NFAM1: variants seen among roughly 807,000 people sequenced by gnomAD.
NFAM1 encodes NFAT activating protein with ITAM motif 1, also known as NFAT activation molecule 1.
Under a neutral mutation model 29.0 loss-of-function variants are expected in NFAM1, and 17 were observed. That is an observed-to-expected ratio of 0.59 (90% CI 0.40 to 0.88). The LOEUF is 0.88. Among genes scored for constraint, NFAM1 ranks in the 40% least tolerant of loss-of-function variants. The pLI is 0.00. For synonymous variants in NFAM1, 175 were observed against 147.2 expected, an observed-to-expected ratio of 1.19 and a Z score of -1.36; for missense variants, 324 against 344.6, an observed-to-expected ratio of 0.94 and a Z score of 0.47.
At position 42,431,781 on chromosome 22, in the gene NFAM1, C is replaced by A. The variant is rs554924964; in HGVS notation, c.121+456G>T. On this transcript the variant is annotated intron_variant, in intron 1 of 5. Transcript: ENST00000329021. ...CCTGTGGCTGGCCCTGGTATCCCCC[C>A]CTCCCCCCTCTCCCCGCTCTCCCTG... is the stretch of plus-strand genomic sequence containing the variant. Among the ~76,000 whole-genome samples the A allele has an allele frequency of 1.8e-3, 269 of 150,874 alleles. 1 individual carries two copies. Among genetic ancestry groups the A allele is most frequent in the African/African-American group, 6.0e-3 (242 of 40,564 alleles).
Position 42,411,633 on chromosome 22 carries a change from G to A in NFAM1, c.225C>T (p.Phe75=), listed in dbSNP as rs1386529330. 5.0e-6 allele frequency: 8 copies of A among 1,613,978 alleles called. No individual in the cohort carries two copies. The highest frequency in any genetic ancestry group is 5.9e-6 in the Non-Finnish European group (7 of 1,179,940). ...CRITYPYTPQ[F]KVFTVSYFHE... ...GAAAGTAGCTGACTGTGAAAACCTT[G>A]AATTGGGGAGTGTATGGATAGGTGA... Residue 75 remains phenylalanine, a synonymous_variant, in exon 2 of 6, where the codon TTC becomes TTT. Transcript: ENST00000329021.
In NFAM1 at chr22:42,385,212, C is replaced by A. The variant is rs747616859; in HGVS notation, c.762G>T (p.Pro254=). Residue 254 remains proline (P), a synonymous_variant, in exon 6 of 6, where the codon CCG becomes CCT. Transcript: ENST00000329021. ...GTTCGCCATCATCTTCGAATCTATG[C>A]GGTCTCTCCTGGATAGAAAAGAAGA... ...AKQSPLSQER[P]HRFEDDGELN... is the part of the protein sequence containing the mutation. The A allele has an allele frequency of 3.7e-6, 6 of 1,607,542 alleles. No homozygotes were observed. The highest frequency in any genetic ancestry group is 4.3e-6 in the Non-Finnish European group (5 of 1,174,150).
At chr22:42,386,654 T>C (rs1929156730) in intron 5 of NFAM1, among the ~76,000 whole-genome samples, 1 of 152,170 alleles carries the variant, frequency 6.6e-6, no homozygotes, top group Admixed American at 6.5e-5. Context: ...TCATAGTGCA[T>C]GGGCACAGCT....
intron 1 of NFAM1, among the ~76,000 whole-genome samples, chr22:42,422,260 C>G (rs958561879): frequency 6.6e-6 from 1 of 152,108 alleles, no homozygotes; most frequent in Non-Finnish European, 1.5e-5. Context: ...CGGGAATAAG[C>G]CTCACAAGGG....
At position 42,382,072 on chromosome 22, in the gene NFAM1, A is replaced by G. The variant is rs6002712; in HGVS notation, c.*3089T>C. 83,319 of 152,036 alleles carry G rather than the reference A, an allele frequency of 0.55. 25,336 individuals carry two copies. Among genetic ancestry groups the G allele is most frequent in the African/African-American group, 0.83 (34,437 of 41,476 alleles). 9.4% of individuals were successfully genotyped at this position (152,036 alleles called of 1,614,324 possible). The stretch of plus-strand genomic sequence containing the variant: ...CTGAGTAGTGTTTGTTTGTTTGTTT[A>G]TTTGGACAGAGCGTGCTCTGTAGCC... On this transcript the variant is annotated 3_prime_UTR_variant, in exon 6 of 6. Coordinates refer to ENST00000329021, the MANE Select transcript of NFAM1 (RefSeq NM_145912.8).
intron 1 of NFAM1, among the ~76,000 whole-genome samples, chr22:42,420,663 G>A (rs182838957): frequency 5.9e-5 from 9 of 151,492 alleles, no homozygotes; most frequent in Admixed American, 2.6e-4. Context: ...CTACTCGGGA[G>A]GCTGAGGCAA....
intron 4 of NFAM1, among the ~76,000 whole-genome samples, chr22:42,391,410 A>G (rs1929337839): frequency 6.6e-6 from 1 of 152,162 alleles, no homozygotes. Flanking sequence ...CCAGCTGCTT[A>G]GAGACCAACT....
rs867232798 is a variant in NFAM1, at chr22:42,420,010, T to G, written c.122-8274A>C. Among the ~76,000 whole-genome samples, 279 of 136,510 alleles carry G rather than the reference T, an allele frequency of 2.0e-3. 6 individuals carry two copies. The highest frequency in any genetic ancestry group is 5.3e-3 in the African/African-American group (192 of 36,418). The allele number at this position is 136,510 out of a possible 152,430, so 89.6% of individuals were successfully genotyped here. A position where few individuals can be genotyped will look rare whatever the true frequency, so the allele number is the denominator to read the frequency against. On this transcript the variant is annotated intron_variant, in intron 1 of 5. Coordinates refer to ENST00000329021, the MANE Select transcript of NFAM1 (RefSeq NM_145912.8). ...TCTTGGTTTTTTTTTTTTTTTTTTT[T>G]TTTTTTTTTTTTTTTTCTGAGGCAG...
intron 3 of NFAM1, among the ~76,000 whole-genome samples, chr22:42,404,568 G>A (rs1353940644): frequency 6.6e-6 from 1 of 152,082 alleles, no homozygotes; most frequent in African/African-American, 2.4e-5. Flanking sequence ...AGGGTGTGTG[G>A]GCAGCAGAAA....
intron 1 of NFAM1, among the ~76,000 whole-genome samples, chr22:42,430,602 T>C (rs1207615632): frequency 6.6e-6 from 1 of 150,752 alleles, no homozygotes; most frequent in Non-Finnish European, 1.5e-5. Flanking sequence ...GTTTGTCTGC[T>C]GCTCCAAGGG....
In NFAM1 at chr22:42,388,962, C is replaced by A. The variant is rs1214431737; in HGVS notation, c.664-1884G>T. Reference sequence around the variant, plus strand: ...TCGTGCCTGTCCGGAGCACCAGCCACCCCAGCTGGTCTGGCACCCAGGATG... The same window carrying A: ...TCGTGCCTGTCCGGAGCACCAGCCAACCCAGCTGGTCTGGCACCCAGGATG... On this transcript the variant is annotated intron_variant, in intron 4 of 5. Coordinates refer to ENST00000329021, the MANE Select transcript of NFAM1 (RefSeq NM_145912.8). This position sits in a 1 kb window ranked among gnomAD's most constrained non-coding sequence, Gnocchi z 4.1. Among the ~76,000 whole-genome samples, 1 of 152,224 alleles carries A rather than the reference C, an allele frequency of 6.6e-6. No homozygotes were observed. The highest frequency in any genetic ancestry group is 2.4e-5 in the African/African-American group (1 of 41,444).
upstream of NFAM1, chr22:42,432,448 C>G: frequency 6.9e-7 from 1 of 1,448,326 alleles, no homozygotes; most frequent in Non-Finnish European, 9.1e-7. Context: ...CCACGAAGCT[C>G]CTCCCTGGCA....
In NFAM1 at chr22:42,409,537, G is replaced by A. The variant is rs1240817286; in HGVS notation, c.462C>T (p.Tyr154=). Residue 154 remains tyrosine, a synonymous_variant, in exon 3 of 6, where the codon TAC becomes TAT. Transcript: ENST00000329021. This position sits in a 1 kb window ranked among gnomAD's most constrained non-coding sequence, Gnocchi z 4.9. ...GTFILVRDAG[Y]REPPQSPQKL... ...TCTGTGGACTCTGCGGGGGCTCTCG[G>A]TACCCTGCGTCTAGGAGGAAGCGCA... 1 of 1,517,612 alleles carries A rather than the reference G, an allele frequency of 6.6e-7. No individual in the cohort carries two copies. The allele number at this position is 1,517,612 out of a possible 1,614,324, so 94.0% of individuals were successfully genotyped here.
intron 4 of NFAM1, among the ~76,000 whole-genome samples, chr22:42,395,573 G>A (rs2147095702): frequency 6.6e-6 from 1 of 151,530 alleles, no homozygotes; most frequent in South Asian, 2.1e-4. Flanking sequence ...TAGATGACAT[G>A]ACTGGGTTCG....
chr22:42,431,761 G>A (rs1271454234), intron 1 of NFAM1, among the ~76,000 whole-genome samples: 1 of 152,014 alleles, frequency 6.6e-6, no homozygotes, highest in African/African-American at 2.4e-5. Flanking sequence ...AGAGCCCTGT[G>A]GCTGGCCCTG....
chr22:42,430,516 C>T (rs1007018264), intron 1 of NFAM1, among the ~76,000 whole-genome samples: 8 of 143,342 alleles, frequency 5.6e-5, no homozygotes, highest in South Asian at 2.2e-4. Flanking sequence ...ACCAAGATGG[C>T]GCCATTGCAC....
At chr22:42,412,464 TAG>T (rs1381102379) in intron 1 of NFAM1, among the ~76,000 whole-genome samples, 2 of 152,078 alleles carry the variant, frequency 1.3e-5, no homozygotes, top group Non-Finnish European at 2.9e-5. Context: ...CCTCAGCAGG[TAG>T]AGAGTGGAGC....
chr22:42,399,889 C>A (rs894829730), intron 3 of NFAM1, among the ~76,000 whole-genome samples: 1 of 152,238 alleles, frequency 6.6e-6, no homozygotes, highest in Non-Finnish European at 1.5e-5. Context: ...AGCTACTTAA[C>A]TCGCAGGCAG....
intron 1 of NFAM1, among the ~76,000 whole-genome samples, chr22:42,424,598 AG>A (rs1334057689): frequency 6.6e-6 from 1 of 152,206 alleles, no homozygotes; most frequent in Non-Finnish European, 1.5e-5. Context: ...TGAACTTGGA[AG>A]GAAGAGAAGA....
Sources: allele counts gnomAD v4.1 joint callset (sites outside exome capture counted in the v4.1 genomes callset), GRCh38; gene constraint gnomAD v4.1.1; non-coding constraint Gnocchi (gnomAD v3.1); transcripts MANE v1.5; gene names NCBI Gene and HGNC (gene_info 2026-07-23, HGNC 2026-07-21).